The following PDF variants were observed in gnomAD, a reference collection of about 807,000 sequenced individuals.
PDF encodes the protein peptide deformylase-like protein.
PDF carries 31 observed loss-of-function variants against 20.3 expected under a neutral mutation model. The ratio of observed to expected loss-of-function variants is 1.52; its 90% CI spans 1.15 to 2.06. The LOEUF (loss-of-function observed/expected upper bound fraction) is 2.06. Among genes scored for constraint, PDF ranks in the 30% most tolerant of loss-of-function variants. The pLI, the probability that PDF is intolerant of heterozygous loss-of-function variation, is 0.00. For missense variants in PDF, 447 were observed against 362.5 expected, an observed-to-expected ratio of 1.23 and a Z score of -1.89; for synonymous variants, 254 against 172.0, an observed-to-expected ratio of 1.48 and a Z score of -3.73.
chr16:69,329,329 A>G, intron 1 of PDF, 150 bp from the exon 2 acceptor site: 1 of 817,892 alleles, frequency 1.2e-6, no homozygotes, highest in Non-Finnish European at 1.8e-6. Context: ...TTCTAACTGG[A>G]AAACGTCCCT....
rs2011681192 is a variant in PDF at position 69,330,219 on chromosome 16, C to A, written c.352G>T (p.Val118Leu). Residue 118 changes from valine to leucine, a missense_variant, in exon 1 of 2, where the codon GTG becomes TTG. Val to Leu is a conservative substitution (Grantham distance 32). Transcript: ENST00000288022. ...CVGLSAPQLG[V>L]PRQVLALELP... is the part of the protein sequence containing the mutation. ...TCCAGCGCCAGCACCTGCCGCGGCA[C>A]CCCCAGCTGCGGCGCGCTTAGGCCC... 4 of 1,452,056 alleles carry A rather than the reference C, an allele frequency of 2.8e-6. No homozygotes were observed. Among genetic ancestry groups the A allele is most frequent in the Non-Finnish European group, 3.6e-6 (4 of 1,110,696 alleles). The allele number at this position is 1,452,056 out of a possible 1,614,324, so 89.9% of individuals were successfully genotyped here. A position where few individuals can be genotyped will look rare whatever the true frequency, so the allele number is the denominator to read the frequency against.
chr16:69,329,572 A>T (rs546346518), intron 1 of PDF, among the ~76,000 whole-genome samples: 97 of 152,314 alleles, frequency 6.4e-4, no homozygotes, highest in Middle Eastern at 6.8e-3. Flanking sequence ...GTGCAGGAAC[A>T]ATCACCCCGA....
rs1597218154 is a variant in PDF at position 69,328,216 on chromosome 16, G to C, written c.*806C>G. The C allele has an allele frequency of 2.6e-5, 4 of 152,418 alleles. No individual in the cohort carries two copies. Among genetic ancestry groups the C allele is most frequent in the African/African-American group, 9.6e-5 (4 of 41,568 alleles). The allele number at this position is 152,418 out of a possible 1,614,324, so 9.4% of individuals were successfully genotyped here. On this transcript the variant is annotated 3_prime_UTR_variant, in exon 2 of 2. Coordinates refer to ENST00000288022, the MANE Select transcript of PDF (RefSeq NM_022341.2). ...CCGCCCCGCCCTCCCAAAGTGCTGG[G>C]ATTACAGGCGTGAACCACTGCACCT...
In PDF at chr16:69,327,634, GTA is replaced by G. The variant is rs1279648062; in HGVS notation, c.*1386_*1387del. ...CAGCTTAATGGACTTCCTACTACTT[GTA>G]TAGTTTGATTTTCAGGACTCTGTTC... On this transcript the variant is annotated 3_prime_UTR_variant, in exon 2 of 2. Coordinates refer to ENST00000288022, the MANE Select transcript of PDF (RefSeq NM_022341.2). The G allele has an allele frequency of 6.6e-6, 1 of 151,944 alleles. No individual in the cohort carries two copies. The highest frequency in any genetic ancestry group is 2.4e-5 in the African/African-American group (1 of 41,350). The allele number at this position is 151,944 out of a possible 1,614,324, so 9.4% of individuals were successfully genotyped here.
chr16:69,330,066 G>A lies in PDF; in HGVS notation c.505C>T (p.Pro169Ser). The A allele has an allele frequency of 6.4e-7, 1 of 1,561,374 alleles. No individual in the cohort carries two copies. The highest frequency in any genetic ancestry group is 8.7e-7 in the Non-Finnish European group (1 of 1,155,366). Residue 169 changes from proline to serine, a missense_variant, in exon 1 of 2, where the codon CCC becomes TCC. By Grantham distance (74) the Pro-to-Ser change is moderately conservative. Coordinates refer to ENST00000288022, the MANE Select transcript of PDF (RefSeq NM_022341.2). Reference protein sequence around the residue: ...RVLDSRLVTFPEGCESVAGFL... With the variant: ...RVLDSRLVTFSEGCESVAGFL... ...CCGGCGACGCTCTCGCAGCCCTCGG[G>A]AAAGGTGACCAGGCGGCTGTCAAGC...
chr16:69,330,021 G>T lies in PDF; in HGVS notation c.550C>A (p.Arg184Ser). Residue 184 changes from arginine (R) to serine (S), a missense_variant, in exon 1 of 2, where the codon CGC becomes AGC. By Grantham distance (110) the Arg-to-Ser change is moderately radical. Transcript: ENST00000288022. ...CCTGAGATCTGCACCGCCTGGAAGC[G>T]GGGCACGCAGGCCAGGAAGCCGGCG... ...SVAGFLACVP[R>S]FQAVQISGLD... 6.5e-7 allele frequency: 1 copy of T among 1,541,384 alleles called. No individual in the cohort carries two copies. The highest frequency in any genetic ancestry group is 8.7e-7 in the Non-Finnish European group (1 of 1,143,730).
In PDF at chr16:69,327,183, T is replaced by TC. The variant is rs1965619674; in HGVS notation, c.*1838_*1839insG. The TC allele has an allele frequency of 6.8e-6, 1 of 147,554 alleles. No individual in the cohort carries two copies. The highest frequency in any genetic ancestry group is 6.8e-5 in the Admixed American group (1 of 14,778). The allele number at this position is 147,554 out of a possible 1,614,324, so 9.1% of individuals were successfully genotyped here. A position where few individuals can be genotyped will look rare whatever the true frequency, so the allele number is the denominator to read the frequency against. The stretch of plus-strand genomic sequence containing the variant: ...CCCTTTTTTTTTTTTTTTTTTTTTT[T>TC]TTGAGACAGAGCCTTGGTCTGTCGC... On this transcript the variant is annotated 3_prime_UTR_variant, in exon 2 of 2. Transcript: ENST00000288022.
At position 69,329,115 on chromosome 16, in the gene PDF, C is replaced by T. The variant is rs775150986; in HGVS notation, c.639G>A (p.Gln213=). Residue 213 remains glutamine, a synonymous_variant, in exon 2 of 2, where the codon CAG becomes CAA. Coordinates refer to ENST00000288022, the MANE Select transcript of PDF (RefSeq NM_022341.2). ...QASGWAARII[Q]HEMDHLQGCL... ...AGCCCTGCAGGTGGTCCATCTCGTGCTGGATGATGCGGGCTGCCCACCCGC... is the reference window on the plus strand; with the variant it reads ...AGCCCTGCAGGTGGTCCATCTCGTGTTGGATGATGCGGGCTGCCCACCCGC... The T allele has an allele frequency of 2.5e-6, 4 of 1,610,914 alleles. No individual in the cohort carries two copies. Among genetic ancestry groups the T allele is most frequent in the South Asian group, 2.2e-5 (2 of 90,720 alleles).
In PDF at chr16:69,329,084, ACAGG is replaced by A; in HGVS notation, c.666_669del (p.Phe224LeufsTer15). On this transcript the variant is annotated frameshift_variant, in exon 2 of 2. Coordinates refer to ENST00000288022, the MANE Select transcript of PDF (RefSeq NM_022341.2). LOFTEE classifies it high-confidence loss of function. The stretch of plus-strand genomic sequence containing the variant: ...GTCCTGCTGTCCATTTTGTCAATAA[ACAGG>A]CAGCCCTGCAGGTGGTCCATCTCGT... The A allele has an allele frequency of 6.2e-7, 1 of 1,612,162 alleles. No individual in the cohort carries two copies. The highest frequency in any genetic ancestry group is 8.5e-7 in the Non-Finnish European group (1 of 1,179,544).
rs948650221 is a variant in PDF, at chr16:69,327,507, T to C, written c.*1515A>G. ...AAGTCTGGCTGCACCTAGAGCCAGT[T>C]TGCTTCTGCTTGGCCTCATGGGGCC... On this transcript the variant is annotated 3_prime_UTR_variant, in exon 2 of 2. Transcript: ENST00000288022. The C allele has an allele frequency of 1.3e-5, 2 of 151,914 alleles. No individual in the cohort carries two copies. The highest frequency in any genetic ancestry group is 2.9e-5 in the Non-Finnish European group (2 of 67,998). 9.4% of individuals were successfully genotyped at this position (151,914 alleles called of 1,614,324 possible).
Position 69,329,054 on chromosome 16 carries a change from T to G in PDF, c.700A>C (p.Thr234Pro). ...TTCACCTTCATCCAATAGACGTTTGTGAACGTCCTGCTGTCCATTTTGTCA... is the reference window on the plus strand; with the variant it reads ...TTCACCTTCATCCAATAGACGTTTGGGAACGTCCTGCTGTCCATTTTGTCA... The part of the protein sequence containing the change: ...FIDKMDSRTF[T>P]NVYWMKVND The change falls in exon 2 of 2, where the codon ACA becomes CCA. Residue 234 changes from threonine (T) to proline (P), a missense_variant. By Grantham distance (38) the Thr-to-Pro change is conservative. Coordinates refer to ENST00000288022, the MANE Select transcript of PDF (RefSeq NM_022341.2). 6.2e-7 allele frequency: 1 copy of G among 1,611,526 alleles called. No individual in the cohort carries two copies. The highest frequency in any genetic ancestry group is 1.3e-5 in the African/African-American group (1 of 75,024).
rs910245560 is a variant in PDF, at chr16:69,330,205, C to T, written c.366G>A (p.Val122=). ...GCGCCTCGGGGAGCTCCAGCGCCAG[C>T]ACCTGCCGCGGCACCCCCAGCTGCG... ...SAPQLGVPRQ[V]LALELPEALC... The change falls in exon 1 of 2, where the codon GTG becomes GTA. Residue 122 remains valine, a synonymous_variant. Coordinates refer to ENST00000288022, the MANE Select transcript of PDF (RefSeq NM_022341.2). 3.4e-6 allele frequency: 5 copies of T among 1,455,956 alleles called. No homozygotes were observed. Among genetic ancestry groups the T allele is most frequent in the Non-Finnish European group, 4.5e-6 (5 of 1,111,862 alleles). 90.2% of individuals were successfully genotyped at this position (1,455,956 alleles called of 1,614,324 possible). A position where few individuals can be genotyped will look rare whatever the true frequency, so the allele number is the denominator to read the frequency against.
chr16:69,330,246 C>G lies in PDF; in HGVS notation c.325G>C (p.Val109Leu), dbSNP rs2011686285. The G allele has an allele frequency of 7.0e-7, 1 of 1,438,612 alleles. No homozygotes were observed. The highest frequency in any genetic ancestry group is 1.5e-5 in the African/African-American group (1 of 66,824). The allele number at this position is 1,438,612 out of a possible 1,614,324, so 89.1% of individuals were successfully genotyped here. The change falls in exon 1 of 2, where the codon GTG (valine) becomes CTG (leucine). Residue 109 changes from valine to leucine, a missense_variant. Val to Leu is a conservative substitution (Grantham distance 32, BLOSUM62 1). Coordinates refer to ENST00000288022, the MANE Select transcript of PDF (RefSeq NM_022341.2). ...CCCAGCTGCGGCGCGCTTAGGCCCA[C>G]GCAGCGCCGCCGCCGCATCACCTGG... ...LVQVMRRRRC[V>L]GLSAPQLGVP...
At chr16:69,329,630 G>T (rs1206609177) in intron 1 of PDF, among the ~76,000 whole-genome samples, 1 of 152,248 alleles carries the variant, frequency 6.6e-6, no homozygotes, top group Non-Finnish European at 1.5e-5. Context: ...TACCACGGGG[G>T]AATGGCCTAG....
Position 69,327,923 on chromosome 16 carries a change from T to C in PDF, c.*1099A>G, listed in dbSNP as rs1242851909. On this transcript the variant is annotated 3_prime_UTR_variant, in exon 2 of 2. Coordinates refer to ENST00000288022, the MANE Select transcript of PDF (RefSeq NM_022341.2). The stretch of plus-strand genomic sequence containing the variant: ...AGACAAAGCTGACACTTTTTTTTTT[T>C]GAGACAGAGAAAAAAAGAAAACTCT... The C allele has an allele frequency of 3.9e-5, 6 of 152,118 alleles. No homozygotes were observed. Among genetic ancestry groups the C allele is most frequent in the African/African-American group, 1.4e-4 (6 of 41,500 alleles). The allele number at this position is 152,118 out of a possible 1,614,324, so 9.4% of individuals were successfully genotyped here. A position where few individuals can be genotyped will look rare whatever the true frequency, so the allele number is the denominator to read the frequency against.
chr16:69,329,936 CGGAGTCGGGCAGAAGA>C, intron 1 of PDF, 45 bp downstream of exon 1: 1 of 1,457,432 alleles, frequency 6.9e-7, no homozygotes, highest in Non-Finnish European at 9.0e-7. Flanking sequence ...TGCGCTCTCG[CGGAGTCGGGCAGAAGA>C]GACGCGCGCG....
In PDF at chr16:69,329,173, T is replaced by C; in HGVS notation, c.581A>G (p.Asp194Gly). 1 of 1,597,592 alleles carries C rather than the reference T, an allele frequency of 6.3e-7. No individual in the cohort carries two copies. The highest frequency in any genetic ancestry group is 1.1e-5 in the South Asian group (1 of 89,076). The part of the protein sequence containing the change: ...RFQAVQISGL[D>G]PNGEQVVWQA... ...CCACACCACCTGTTCTCCATTGGGG[T>C]CCAGCCCTGCAAAGGAAGTTACAGC... The change falls in exon 2 of 2, where the codon GAC becomes GGC. Residue 194 changes from aspartate (D) to glycine (G), a missense_variant. Coordinates refer to ENST00000288022, the MANE Select transcript of PDF (RefSeq NM_022341.2).
In PDF at chr16:69,327,790, T is replaced by C. The variant is rs541694523; in HGVS notation, c.*1232A>G. ...ACTTTGGGAGGCCGAGGCAGGAGGA[T>C]TGCCTGAGACCAGGAATTTGAGGCC... On this transcript the variant is annotated 3_prime_UTR_variant, in exon 2 of 2. Coordinates refer to ENST00000288022, the MANE Select transcript of PDF (RefSeq NM_022341.2). 63 of 151,896 alleles carry C rather than the reference T, an allele frequency of 4.1e-4. No individual in the cohort carries two copies. Among genetic ancestry groups the C allele is most frequent in the African/African-American group, 1.2e-3 (50 of 41,400 alleles). The allele number at this position is 151,896 out of a possible 1,614,324, so 9.4% of individuals were successfully genotyped here. A position where few individuals can be genotyped will look rare whatever the true frequency, so the allele number is the denominator to read the frequency against.
chr16:69,329,269 C>G (rs926087697), intron 1 of PDF, 90 bp from the exon 2 acceptor site: 1 of 1,367,414 alleles, frequency 7.3e-7, no homozygotes, highest in African/African-American at 1.5e-5. Flanking sequence ...CCTGGCTGTT[C>G]CCATTGACAA....
Sources: allele counts gnomAD v4.1 joint callset (sites outside exome capture counted in the v4.1 genomes callset), GRCh38; gene constraint gnomAD v4.1.1; transcripts MANE v1.5; gene names NCBI Gene and HGNC (gene_info 2026-07-23, HGNC 2026-07-21).